Variants in SMURF2 observed in about 807,000 individuals in gnomAD.
The protein encoded by SMURF2 is SMAD specific E3 ubiquitin protein ligase 2, also known as E3 ubiquitin-protein ligase SMURF2.
SMURF2 carries 48 observed loss-of-function variants against 109.6 expected under a neutral mutation model. The ratio of observed to expected loss-of-function variants is 0.44; its 90% CI spans 0.35 to 0.56. The LOEUF (loss-of-function observed/expected upper bound fraction) is 0.56, where lower values mean the gene tolerates loss of function less well. Among genes scored for constraint, SMURF2 ranks in the 20% least tolerant of loss-of-function variants. The pLI is 0.01. For missense variants in SMURF2, 575 were observed against 909.0 expected, an observed-to-expected ratio of 0.63 and a Z score of 4.72; for synonymous variants, 288 against 317.1, an observed-to-expected ratio of 0.91 and a Z score of 0.97.
At chr17:64,606,315 T>C (rs1006967626) in intron 2 of SMURF2, among the ~76,000 whole-genome samples, 3 of 152,206 alleles carry the variant, frequency 2.0e-5, no homozygotes, top group Admixed American at 6.5e-5. Flanking sequence ...TCTAGTAGTA[T>C]GCACACCTTC....
chr17:64,645,134 T>C (rs528634114), intron 1 of SMURF2, among the ~76,000 whole-genome samples: 1 of 152,178 alleles, frequency 6.6e-6, no homozygotes, highest in East Asian at 1.9e-4. Context: ...CAAGAGATTA[T>C]GAAATTTAAG....
chr17:64,662,160 T>C lies in SMURF2; in HGVS notation c.-280A>G, dbSNP rs1439866161. On this transcript the variant is annotated 5_prime_UTR_variant, in exon 1 of 19. Coordinates refer to ENST00000262435, the MANE Select transcript of SMURF2 (RefSeq NM_022739.4). ...CGCCTCCGCCCGCGCCCCCGCCGCC[T>C]CCTCGCGGCCGCCGAGGCCTTTCCC... 3 of 1,033,466 alleles carry C rather than the reference T, an allele frequency of 2.9e-6. No individual in the cohort carries two copies. Among genetic ancestry groups the C allele is most frequent in the East Asian group, 1.6e-4 (2 of 12,504 alleles). The allele number at this position is 1,033,466 out of a possible 1,614,324, so 64.0% of individuals were successfully genotyped here.
chr17:64,634,769 A>G (rs562238150), intron 1 of SMURF2, among the ~76,000 whole-genome samples: 42 of 152,324 alleles, frequency 2.8e-4, no homozygotes, highest in African/African-American at 1.0e-3. Flanking sequence ...AAGCTTAAAA[A>G]GAAGACACAG....
chr17:64,565,339 G>C (rs1305526403), intron 10 of SMURF2, among the ~76,000 whole-genome samples: 2 of 152,202 alleles, frequency 1.3e-5, no homozygotes, highest in Admixed American at 1.3e-4. Flanking sequence ...TGATGTGAGA[G>C]TGCAGGCCAG....
intron 1 of SMURF2, among the ~76,000 whole-genome samples, chr17:64,620,697 T>C (rs1026088848): frequency 6.6e-6 from 1 of 152,232 alleles, no homozygotes; most frequent in African/African-American, 2.4e-5. Flanking sequence ...TGTTTTATTA[T>C]AGTGCTTTCT....
intron 2 of SMURF2, among the ~76,000 whole-genome samples, chr17:64,604,091 G>A (rs1555688827): frequency 6.6e-6 from 1 of 151,962 alleles, no homozygotes; most frequent in East Asian, 1.9e-4. Flanking sequence ...AATTAATGTG[G>A]GCAACCCTTA....
At position 64,542,610 on chromosome 17, in the gene SMURF2, C is replaced by T. The variant is rs544725575; in HGVS notation, c.*3238G>A. ...CATGTTAAATACCACAAATGGCACC[C>T]GTTGACTGTACGCTTAGAAAACAAG... On this transcript the variant is annotated 3_prime_UTR_variant, in exon 19 of 19. Transcript: ENST00000262435. 10 of 152,142 alleles carry T rather than the reference C, an allele frequency of 6.6e-5. No individual in the cohort carries two copies. The highest frequency in any genetic ancestry group is 4.2e-4 in the South Asian group (2 of 4,808). The allele number at this position is 152,142 out of a possible 1,614,324, so 9.4% of individuals were successfully genotyped here.
At chr17:64,661,533 C>T (rs2144745944) in intron 1 of SMURF2, among the ~76,000 whole-genome samples, 1 of 152,286 alleles carries the variant, frequency 6.6e-6, no homozygotes, top group East Asian at 1.9e-4. Flanking sequence ...CCCCGGGAGG[C>T]AGCGTCTGGC....
At chr17:64,624,610 C>G (rs1262577566) in intron 1 of SMURF2, among the ~76,000 whole-genome samples, 2 of 151,298 alleles carry the variant, frequency 1.3e-5, no homozygotes, top group Non-Finnish European at 2.9e-5. Context: ...CTGCTTGAGC[C>G]CAGGAGTTCA....
chr17:64,636,080 A>G (rs1489983617), intron 1 of SMURF2, among the ~76,000 whole-genome samples: 2 of 152,162 alleles, frequency 1.3e-5, no homozygotes, highest in South Asian at 2.1e-4. Context: ...GATATTGGGC[A>G]TCTTTTCATG....
At chr17:64,606,739 C>A (rs1366613742) in intron 1 of SMURF2, 99 bp from the exon 2 acceptor site, 2 of 807,774 alleles carry the variant, frequency 2.5e-6, no homozygotes, top group African/African-American at 1.8e-5. Flanking sequence ...AATAGTTAAA[C>A]CCTAACTATA....
At chr17:64,625,276 T>A (rs778320847) in intron 1 of SMURF2, among the ~76,000 whole-genome samples, 1 of 152,150 alleles carries the variant, frequency 6.6e-6, no homozygotes, top group Non-Finnish European at 1.5e-5. Flanking sequence ...CAACCAAAAA[T>A]GTCTGAAGAT....
At chr17:64,640,669 C>G (rs971545165) in intron 1 of SMURF2, among the ~76,000 whole-genome samples, 2 of 151,898 alleles carry the variant, frequency 1.3e-5, no homozygotes, top group African/African-American at 4.8e-5. Flanking sequence ...ACCTATAATC[C>G]CAGCACTTTG....
rs1323439335 is a variant in SMURF2, at chr17:64,544,458, T to C, written c.*1390A>G. 1.3e-5 allele frequency: 2 copies of C among 152,126 alleles called. No individual in the cohort carries two copies. The highest frequency in any genetic ancestry group is 2.9e-5 in the Non-Finnish European group (2 of 68,016). 9.4% of individuals were successfully genotyped at this position (152,126 alleles called of 1,614,324 possible). On this transcript the variant is annotated 3_prime_UTR_variant, in exon 19 of 19. Coordinates refer to ENST00000262435, the MANE Select transcript of SMURF2 (RefSeq NM_022739.4). Reference sequence around the variant, plus strand: ...TCACATCAATGTAAAAAAAAACTGATAGTACATATTTTTGATGGTTGAATT... The same window carrying C: ...TCACATCAATGTAAAAAAAAACTGACAGTACATATTTTTGATGGTTGAATT...
chr17:64,566,922 G>C (rs1483884800), intron 10 of SMURF2, among the ~76,000 whole-genome samples: 2 of 148,258 alleles, frequency 1.3e-5, no homozygotes, highest in African/African-American at 5.0e-5. Flanking sequence ...CCAGGCTGGA[G>C]TACAGTGGCG....
At chr17:64,625,658 A>C (rs988896678) in intron 1 of SMURF2, among the ~76,000 whole-genome samples, 2 of 152,146 alleles carry the variant, frequency 1.3e-5, no homozygotes, top group African/African-American at 4.8e-5. Context: ...CACGTATCTT[A>C]TCTCTTCCTA....
chr17:64,582,807 C>T (rs1250759843), intron 7 of SMURF2, among the ~76,000 whole-genome samples: 1 of 152,078 alleles, frequency 6.6e-6, no homozygotes, highest in Non-Finnish European at 1.5e-5. Flanking sequence ...CCATGTTGGT[C>T]AGGCTGGTCT....
intron 1 of SMURF2, among the ~76,000 whole-genome samples, chr17:64,657,726 A>G (rs1191101292): frequency 6.6e-6 from 1 of 151,958 alleles, no homozygotes. Flanking sequence ...CTCAAAAAAA[A>G]AAAAGGCTAA....
intron 10 of SMURF2, among the ~76,000 whole-genome samples, chr17:64,563,790 A>G (rs571098007): frequency 7.9e-5 from 12 of 152,256 alleles, no homozygotes; most frequent in African/African-American, 2.9e-4. Flanking sequence ...AATTTTTTTT[A>G]AAGAGGCAGG....
Sources: gnomAD v4.1 joint callset for allele counts (sites outside exome capture counted in the v4.1 genomes callset) on GRCh38, gnomAD v4.1.1 for gene constraint, MANE v1.5 for transcripts, NCBI Gene and HGNC (gene_info 2026-07-23, HGNC 2026-07-21) for gene names.